Variants in CNTN3 observed in about 807,000 individuals in gnomAD.
CNTN3 encodes contactin 3, also known as contactin-3.
A neutral mutation model predicts 119.1 loss-of-function variants in CNTN3; 60 were observed. That is an observed-to-expected ratio of 0.50 (90% CI 0.41 to 0.62). CNTN3 has a LOEUF of 0.62. Ranked by LOEUF, CNTN3 falls within the 20% of genes least tolerant of loss-of-function variation. The pLI is 0.00. For missense variants in CNTN3, 1,101 were observed against 1,242.4 expected, an observed-to-expected ratio of 0.89 and a Z score of 1.71; for synonymous variants, 450 against 438.7, an observed-to-expected ratio of 1.03 and a Z score of -0.32.
chr3:74,574,495 C>T (rs1704383263), intron 1 of CNTN3, among the ~76,000 whole-genome samples: 1 of 152,164 alleles, frequency 6.6e-6, no homozygotes, highest in Non-Finnish European at 1.5e-5. Flanking sequence ...AAGATCCCTG[C>T]TTTATGTTTC....
chr3:74,508,983 A>G (rs1309901134), intron 2 of CNTN3, among the ~76,000 whole-genome samples: 2 of 152,208 alleles, frequency 1.3e-5, no homozygotes, highest in African/African-American at 4.8e-5. Flanking sequence ...TAAAGACAAG[A>G]GAGCCCTCCT....
At chr3:74,525,814 T>C (rs548123900) in intron 1 of CNTN3, among the ~76,000 whole-genome samples, 61 of 151,990 alleles carry the variant, frequency 4.0e-4, no homozygotes, top group African/African-American at 1.4e-3. Context: ...AAAAATGCTC[T>C]AAATAGTTGT....
Position 74,310,546 on chromosome 3 carries a change from T to C in CNTN3, c.1669-7739A>G, listed in dbSNP as rs564596089. Among the ~76,000 whole-genome samples, 4 of 152,258 alleles carry C rather than the reference T, an allele frequency of 2.6e-5. No individual in the cohort carries two copies. In the East Asian group the frequency reaches 7.7e-4, roughly 29 times the overall value. ...CAGTGGGCTGGGACCTTGGTTCTTA[T>C]TGAGAAGGACCTGTCCACAGCTGCA... On this transcript the variant is annotated intron_variant, in intron 13 of 22. Transcript: ENST00000263665.
At chr3:74,363,168 A>T (rs1704115004) in intron 10 of CNTN3, among the ~76,000 whole-genome samples, 1 of 152,108 alleles carries the variant, frequency 6.6e-6, no homozygotes, top group South Asian at 2.1e-4. Context: ...TTTTTGTCAT[A>T]ATATGCTACT....
intron 2 of CNTN3, among the ~76,000 whole-genome samples, chr3:74,506,716 C>G (rs1472703842): frequency 1.4e-5 from 2 of 142,554 alleles, no homozygotes; most frequent in Non-Finnish European, 3.0e-5. Context: ...CAGGAGAACA[C>G]AGTCAATGGT....
chr3:74,585,070 T>C (rs1032910298), intron 1 of CNTN3, among the ~76,000 whole-genome samples: 6 of 152,146 alleles, frequency 3.9e-5, no homozygotes, highest in African/African-American at 7.2e-5. Flanking sequence ...AAATACAGAG[T>C]GTTTCCACCA....
At chr3:74,432,216 A>G (rs1267197479) in intron 4 of CNTN3, among the ~76,000 whole-genome samples, 1 of 152,112 alleles carries the variant, frequency 6.6e-6, no homozygotes, top group Admixed American at 6.6e-5. Flanking sequence ...AAGAAACCCA[A>G]TGAACATACC....
At chr3:74,433,165 C>T (rs994464661) in intron 4 of CNTN3, among the ~76,000 whole-genome samples, 7 of 152,116 alleles carry the variant, frequency 4.6e-5, no homozygotes, top group African/African-American at 1.7e-4. Flanking sequence ...CATCCAGAAT[C>T]ATCCATTTGA....
Position 74,324,630 on chromosome 3 carries a change from T to C in CNTN3, c.1668+10105A>G, listed in dbSNP as rs1295379112. Among the ~76,000 whole-genome samples, 5 of 152,294 alleles carry C rather than the reference T, an allele frequency of 3.3e-5. No individual in the cohort carries two copies. The South Asian group carries it at 6.2e-4, about 19-fold the overall frequency. On this transcript the variant is annotated intron_variant, in intron 13 of 22. Transcript: ENST00000263665. ...GTTTTTCTCCCAGAGTCATAACTTC[T>C]CTAACATCCCAAAATAGTCTTCTGT...
intron 6 of CNTN3, 149 bp from the exon 7 acceptor site, chr3:74,370,140 T>A (rs1032824876): frequency 1.7e-4 from 84 of 498,106 alleles, no homozygotes; most frequent in African/African-American, 1.6e-4. Flanking sequence ...CAGCTCAGAT[T>A]CCCTTTTAAC....
chr3:74,413,450 G>A (rs1559589463), intron 5 of CNTN3, among the ~76,000 whole-genome samples: 3 of 152,084 alleles, frequency 2.0e-5, no homozygotes, highest in Non-Finnish European at 2.9e-5. Context: ...ACTTAGCCAC[G>A]GTTAGGAAAA....
intron 1 of CNTN3, among the ~76,000 whole-genome samples, chr3:74,575,521 A>T (rs1459027766): frequency 6.6e-6 from 1 of 151,390 alleles, no homozygotes; most frequent in Admixed American, 6.6e-5. Context: ...AAGTGCTGGG[A>T]TTACAGGTGT....
chr3:74,462,048 T>C (rs1309346816), intron 4 of CNTN3, among the ~76,000 whole-genome samples: 1 of 152,060 alleles, frequency 6.6e-6, no homozygotes, highest in Non-Finnish European at 1.5e-5. Flanking sequence ...TAGCACCATC[T>C]CTTTGGTGCT....
At chr3:74,357,945 C>A (rs1236092776) in intron 11 of CNTN3, among the ~76,000 whole-genome samples, 1 of 152,066 alleles carries the variant, frequency 6.6e-6, no homozygotes, top group African/African-American at 2.4e-5. Context: ...ATAAATCTAC[C>A]ATTTAATGTG....
chr3:74,290,898 T>A (rs992504125), intron 19 of CNTN3, among the ~76,000 whole-genome samples: 3 of 151,956 alleles, frequency 2.0e-5, no homozygotes, highest in Admixed American at 2.0e-4. Context: ...TTTACTTTTT[T>A]ACTTTTTTAT....
chr3:74,337,696 C>A (rs1045946901), intron 11 of CNTN3, among the ~76,000 whole-genome samples: 3 of 152,070 alleles, frequency 2.0e-5, no homozygotes, highest in African/African-American at 7.2e-5. Flanking sequence ...AGGTCCCTCC[C>A]ACAACATGTG....
intron 1 of CNTN3, among the ~76,000 whole-genome samples, chr3:74,555,534 G>A (rs763339045): frequency 4.6e-5 from 7 of 152,084 alleles, no homozygotes; most frequent in Non-Finnish European, 7.4e-5. Context: ...CTGTGAATCC[G>A]TCTGGTCCTG....
intron 5 of CNTN3, among the ~76,000 whole-genome samples, chr3:74,414,919 GTCTT>G (rs1701496085): frequency 1.5e-5 from 2 of 129,882 alleles, no homozygotes; most frequent in Non-Finnish European, 3.3e-5. Flanking sequence ...TCAACTAATG[GTCTT>G]TCTGTTTCTT....
rs1224692925 is a variant in CNTN3, at chr3:74,362,054, A to G, written c.1214-14T>C. 6.2e-7 allele frequency: 1 copy of G among 1,611,452 alleles called. No individual in the cohort carries two copies. The highest frequency in any genetic ancestry group is 8.5e-7 in the Non-Finnish European group (1 of 1,178,348). ...CTGGAGCAGAAGCTGAAAGGCAAGA[A>G]AGGAGAGAAGGAGAAGTGGATCATT... is the stretch of plus-strand genomic sequence containing the variant. On this transcript the variant is annotated splice_polypyrimidine_tract_variant and intron_variant, in intron 10 of 22. Transcript: ENST00000263665.
Sources: gnomAD v4.1 joint callset for allele counts (sites outside exome capture counted in the v4.1 genomes callset) on GRCh38, gnomAD v4.1.1 for gene constraint, MANE v1.5 for transcripts, NCBI Gene and HGNC (gene_info 2026-07-23, HGNC 2026-07-21) for gene names.